Variants in CACNA2D1 observed in about 807,000 individuals in gnomAD.
CACNA2D1 encodes the protein calcium voltage-gated channel auxiliary subunit alpha2delta 1, also known as voltage-dependent calcium channel subunit alpha-2/delta-1.
Under a neutral mutation model 171.5 loss-of-function variants are expected in CACNA2D1, and 53 were observed. That is an observed-to-expected ratio of 0.31 (90% confidence interval 0.25 to 0.39). The LOEUF (loss-of-function observed/expected upper bound fraction) is 0.39, where lower values mean the gene tolerates loss of function less well. Among genes scored for constraint, CACNA2D1 ranks in the 10% least tolerant of loss-of-function variants. CACNA2D1 has a pLI of 1.00. For missense variants in CACNA2D1, 903 were observed against 1,299.8 expected (o/e 0.69, Z 4.69); for synonymous variants, 442 against 443.1 (o/e 1.00, Z 0.03).
At chr7:82,326,174 C>A (rs1038598947) in intron 3 of CACNA2D1, among the ~76,000 whole-genome samples, 1 of 152,098 alleles carries the variant, frequency 6.6e-6, no homozygotes, top group African/African-American at 2.4e-5. Flanking sequence ...CTTAAATGTA[C>A]GTATAGCTCA....
intron 3 of CACNA2D1, among the ~76,000 whole-genome samples, chr7:82,195,087 C>T (rs4728500): frequency 0.9 from 136,698 of 152,094 alleles, 61,488 homozygotes; most frequent in East Asian, 1. Flanking sequence ...TTTATCTCAA[C>T]TCAATGATTC....
At chr7:82,378,994 T>C (rs922029937) in intron 1 of CACNA2D1, among the ~76,000 whole-genome samples, 3 of 149,546 alleles carry the variant, frequency 2.0e-5, no homozygotes, top group Non-Finnish European at 4.4e-5. Flanking sequence ...TGTGTTATAC[T>C]CGGGAGCTGC....
In CACNA2D1 at chr7:81,947,060, CTATACCAT is replaced by C. The variant is rs1156351707; in HGVS notation, c.*3324_*3331del. 1 of 151,912 alleles carries C rather than the reference CTATACCAT, an allele frequency of 6.6e-6. No homozygotes were observed. Among genetic ancestry groups the C allele is most frequent in the Non-Finnish European group, 1.5e-5 (1 of 67,908 alleles). The allele number at this position is 151,912 out of a possible 1,614,324, so 9.4% of individuals were successfully genotyped here. A position where few individuals can be genotyped will look rare whatever the true frequency, so the allele number is the denominator to read the frequency against. On this transcript the variant is annotated 3_prime_UTR_variant, in exon 39 of 39. Coordinates refer to ENST00000356860, the MANE Select transcript of CACNA2D1 (RefSeq NM_000722.4). Reference sequence around the variant, plus strand: ...ATCCATTTTGTTTCACTAGGTCAGACTATACCATTAAACATTTGAACGTCTAACATGAT... The same window carrying C: ...ATCCATTTTGTTTCACTAGGTCAGACTAAACATTTGAACGTCTAACATGAT...
rs4018910 is a variant in CACNA2D1, at chr7:82,301,730, T to TACACACACACAC, written c.294+33393_294+33404dup. On this transcript the variant is annotated intron_variant, in intron 3 of 38. Transcript: ENST00000356860. ...ATTGTGTATTAATTTTGGTAAATAA[T>TACACACACACAC]ACACACACACACACACACACACACA... Among the ~76,000 whole-genome samples, 198 of 142,278 alleles carry TACACACACACAC rather than the reference T, an allele frequency of 1.4e-3. 3 individuals are homozygous for TACACACACACAC. The highest frequency in any genetic ancestry group is 4.8e-3 in the African/African-American group (182 of 37,994). 93.3% of individuals were successfully genotyped at this position (142,278 alleles called of 152,430 possible). A position where few individuals can be genotyped will look rare whatever the true frequency, so the allele number is the denominator to read the frequency against.
At chr7:82,116,305 TA>T (rs11358429) in intron 6 of CACNA2D1, among the ~76,000 whole-genome samples, 11,554 of 152,278 alleles carry the variant, frequency 0.076, 554 homozygotes, top group South Asian at 0.14. Context: ...GGAAAATTCC[TA>T]GTTAGAATTC....
At chr7:82,132,001 A>T (rs973990327) in intron 5 of CACNA2D1, among the ~76,000 whole-genome samples, 4 of 152,186 alleles carry the variant, frequency 2.6e-5, no homozygotes, top group African/African-American at 7.2e-5. Flanking sequence ...TCTTTTTTTA[A>T]AAAAAATGTA....
At position 82,032,249 on chromosome 7, in the gene CACNA2D1, G is replaced by A. The variant is rs1802788860; in HGVS notation, c.1143+548C>T. Among the ~76,000 whole-genome samples, 4 of 151,776 alleles carry A rather than the reference G, an allele frequency of 2.6e-5. No homozygotes were observed. In the South Asian group the frequency reaches 8.3e-4, roughly 31 times the overall value. ...CACAGTCTTCATTTGCTTATGAAAT[G>A]CTTTCTTTTAATACATTATACCTAT... On this transcript the variant is annotated intron_variant, in intron 12 of 38. Transcript: ENST00000356860.
chr7:82,076,626 A>G (rs1165596984), intron 7 of CACNA2D1, among the ~76,000 whole-genome samples: 1 of 152,054 alleles, frequency 6.6e-6, no homozygotes, highest in Non-Finnish European at 1.5e-5. Context: ...TTAAAATAGC[A>G]TATCTTCTGG....
intron 1 of CACNA2D1, among the ~76,000 whole-genome samples, chr7:82,359,399 A>G (rs1352803204): frequency 6.6e-6 from 1 of 152,160 alleles, no homozygotes; most frequent in Non-Finnish European, 1.5e-5. Flanking sequence ...ATCATTCATA[A>G]TATTTCCAAT....
At position 82,000,959 on chromosome 7, in the gene CACNA2D1, T is replaced by C. The variant is rs181502858; in HGVS notation, c.1591-3709A>G. Among the ~76,000 whole-genome samples, 20 of 151,864 alleles carry C rather than the reference T, an allele frequency of 1.3e-4. No homozygotes were observed. In the East Asian group the frequency reaches 3.7e-3, roughly 28 times the overall value. On this transcript the variant is annotated intron_variant, in intron 18 of 38. Transcript: ENST00000356860. ...GTCACCAACTTTTTCAAAGAAATGG[T>C]AGGCTTACCTACACAATCTTAAATA...
chr7:82,281,983 A>G (rs141174504), intron 3 of CACNA2D1, among the ~76,000 whole-genome samples: 14 of 152,232 alleles, frequency 9.2e-5, no homozygotes, highest in South Asian at 4.1e-4. Flanking sequence ...AAAGAAAAAA[A>G]CTCCATGTGC....
chr7:82,182,022 T>A (rs879714091), intron 3 of CACNA2D1, among the ~76,000 whole-genome samples: 6 of 152,158 alleles, frequency 3.9e-5, no homozygotes, highest in Admixed American at 3.9e-4. Context: ...TCTAAAATTA[T>A]CTTTTCTAAT....
At chr7:82,199,378 TA>T (rs1237928515) in intron 3 of CACNA2D1, among the ~76,000 whole-genome samples, 1 of 152,120 alleles carries the variant, frequency 6.6e-6, no homozygotes, top group Non-Finnish European at 1.5e-5. Context: ...ACTATTATAG[TA>T]ATTCAATTTG....
chr7:81,961,116 T>C (rs1794063511), intron 36 of CACNA2D1, among the ~76,000 whole-genome samples: 1 of 151,944 alleles, frequency 6.6e-6, no homozygotes, highest in Non-Finnish European at 1.5e-5. Context: ...TATGGTAACA[T>C]TTCTTCTAGA....
chr7:82,249,115 CAAA>C (rs780021068), intron 3 of CACNA2D1, among the ~76,000 whole-genome samples: 2 of 113,738 alleles, frequency 1.8e-5, no homozygotes, highest in African/African-American at 3.3e-5. Flanking sequence ...GACTCCATCT[CAAA>C]AAAAAAAAAA....
chr7:82,315,391 GA>G (rs983835745), intron 3 of CACNA2D1, among the ~76,000 whole-genome samples: 70 of 150,972 alleles, frequency 4.6e-4, no homozygotes, highest in African/African-American at 1.4e-3. Context: ...AATACAATAA[GA>G]AAAAAAAGCA....
chr7:82,388,077 AC>A (rs143672937), intron 1 of CACNA2D1, among the ~76,000 whole-genome samples: 18 of 145,260 alleles, frequency 1.2e-4, no homozygotes, highest in African/African-American at 3.2e-4. Context: ...AAAAAAAAAA[AC>A]AAAAACAAAA....
At chr7:82,150,422 T>TAAAAAAAAAA (rs3839798) in intron 4 of CACNA2D1, among the ~76,000 whole-genome samples, 1 of 140,720 alleles carries the variant, frequency 7.1e-6, no homozygotes, top group Non-Finnish European at 1.5e-5. Flanking sequence ...AGCTTTCCCT[T>TAAAAAAAAAA]AAAAAAAAAA....
chr7:82,400,715 T>G (rs1460909295), intron 1 of CACNA2D1, among the ~76,000 whole-genome samples: 2 of 151,690 alleles, frequency 1.3e-5, no homozygotes, highest in Non-Finnish European at 2.9e-5. Flanking sequence ...GGGATCTAAT[T>G]AAACTAAAGA....
Sources: allele counts gnomAD v4.1 joint callset (sites outside exome capture counted in the v4.1 genomes callset), GRCh38; gene constraint gnomAD v4.1.1; transcripts MANE v1.5; gene names NCBI Gene and HGNC (gene_info 2026-07-23, HGNC 2026-07-21).